The following SARDH variants were observed in gnomAD, a reference collection of about 807,000 sequenced individuals.
The protein encoded by SARDH is sarcosine dehydrogenase, mitochondrial.
SARDH carries 95 observed loss-of-function variants against 109.1 expected under a neutral mutation model. That is an observed-to-expected ratio of 0.87 (90% CI 0.74 to 1.03). The LOEUF is 1.03. Ranked by LOEUF, SARDH falls within the 50% of genes least tolerant of loss-of-function variation. The pLI, the probability that SARDH is intolerant of heterozygous loss-of-function variation, is 0.00. For synonymous variants in SARDH, 572 were observed against 534.8 expected (o/e 1.07, Z -0.96); for missense variants, 1,267 against 1,287.8 (o/e 0.98, Z 0.25).
chr9:133,670,328 C>CAAAAAA (rs5901026), intron 19 of SARDH, among the ~76,000 whole-genome samples: 1 of 103,270 alleles, frequency 9.7e-6, no homozygotes. Flanking sequence ...GACTCCGTCT[C>CAAAAAA]AAAAAAAAAA....
rs533029214 is a variant in SARDH at position 133,734,998 on chromosome 9, A to G, written c.-30-795T>C. Among the ~76,000 whole-genome samples, 5 of 152,224 alleles carry G rather than the reference A, an allele frequency of 3.3e-5. No individual in the cohort carries two copies. The South Asian group carries it at 1.0e-3, about 32-fold the overall frequency. On this transcript the variant is annotated intron_variant, in intron 1 of 20. Transcript: ENST00000439388. ...GGCGGTGGTAGTGGCACAGCAGGGC[A>G]GGGAGGGGGTTGTGTTGAGTGATGG...
chr9:133,665,420 A>G (rs1588364539), intron 20 of SARDH, among the ~76,000 whole-genome samples: 1 of 152,174 alleles, frequency 6.6e-6, no homozygotes, highest in African/African-American at 2.4e-5. Flanking sequence ...GGCCCTGCCC[A>G]CCGTGGGAGC....
In SARDH at chr9:133,718,939, T is replaced by A; in HGVS notation, c.1019A>T (p.Glu340Val). Residue 340 changes from glutamate to valine, a missense_variant and splice_region_variant, in exon 7 of 21, where the codon GAG (glutamate) becomes GTG (valine). Physicochemically the swap from Glu to Val is moderately radical, Grantham distance 121. Transcript: ENST00000439388. The surrounding 1 kb of genome is among the most constrained non-coding windows in gnomAD (Gnocchi z 4.2). ...GYEANPIFWEEVSDKFAFGLF... is the reference protein window; with the variant it reads ...GYEANPIFWEVVSDKFAFGLF... ...TATCCCAGGGCCCTGGCATCTTACC[T>A]CCTCCCAAAAGATGGGGTTGGCCTC... 6.2e-7 allele frequency: 1 copy of A among 1,612,234 alleles called. No homozygotes were observed. Among genetic ancestry groups the A allele is most frequent in the Non-Finnish European group, 8.5e-7 (1 of 1,178,544 alleles).
At chr9:133,689,135 T>C (rs970798834) in intron 16 of SARDH, among the ~76,000 whole-genome samples, 1 of 152,020 alleles carries the variant, frequency 6.6e-6, no homozygotes, top group African/African-American at 2.4e-5. Flanking sequence ...CCCTGCTACG[T>C]CAAGTGCTCA....
At chr9:133,673,976 GC>G (rs1830436587) in intron 17 of SARDH, among the ~76,000 whole-genome samples, 2 of 152,168 alleles carry the variant, frequency 1.3e-5, no homozygotes, top group African/African-American at 4.8e-5. Flanking sequence ...TCCATTGTAC[GC>G]CGTGCACAGC....
chr9:133,685,962 A>C (rs1830870239), intron 16 of SARDH, among the ~76,000 whole-genome samples: 1 of 152,116 alleles, frequency 6.6e-6, no homozygotes, highest in South Asian at 2.1e-4. Flanking sequence ...CAGGCTGCAG[A>C]CTTGGAGGAG....
At chr9:133,677,210 T>C (rs1286005065) in intron 17 of SARDH, among the ~76,000 whole-genome samples, 3 of 152,124 alleles carry the variant, frequency 2.0e-5, no homozygotes, top group African/African-American at 4.8e-5. Context: ...TAGATGCTAA[T>C]CTACTGTAGA....
intron 7 of SARDH, among the ~76,000 whole-genome samples, chr9:133,717,729 C>T (rs1394158798): frequency 6.6e-6 from 1 of 151,944 alleles, no homozygotes; most frequent in Non-Finnish European, 1.5e-5. Flanking sequence ...CCTCCTCTGG[C>T]CCCCTGCAGC....
intron 8 of SARDH, among the ~76,000 whole-genome samples, chr9:133,715,181 G>A (rs764100337): frequency 3.7e-4 from 56 of 152,308 alleles, no homozygotes; most frequent in Admixed American, 2.2e-3. Flanking sequence ...GCCATTGGCC[G>A]TGCCTGGCAA....
intron 13 of SARDH, among the ~76,000 whole-genome samples, chr9:133,700,420 T>A (rs1831438645): frequency 6.6e-6 from 1 of 151,970 alleles, no homozygotes. Context: ...GCCTTGAGAA[T>A]ATCACGCTAA....
chr9:133,702,088 GC>G (rs1383829992), intron 13 of SARDH, among the ~76,000 whole-genome samples: 1 of 152,202 alleles, frequency 6.6e-6, no homozygotes, highest in East Asian at 1.9e-4. Context: ...TCAGGCCTTG[GC>G]TCTGCTCCTA....
Position 133,712,936 on chromosome 9 carries a change from C to T in SARDH, c.1237+102G>A. ...ACTCCCCAGCCTCTCCTGTCCCCACCACTGTCGGGGGCCACGGTGCTCCTG... is the reference window on the plus strand; with the variant it reads ...ACTCCCCAGCCTCTCCTGTCCCCACTACTGTCGGGGGCCACGGTGCTCCTG... On this transcript the variant is annotated intron_variant, in intron 9 of 20. Transcript: ENST00000439388. This position sits in a 1 kb window ranked among gnomAD's most constrained non-coding sequence, Gnocchi z 4.1. 8.2e-7 allele frequency: 1 copy of T among 1,223,134 alleles called. No individual in the cohort carries two copies. The highest frequency in any genetic ancestry group is 1.2e-6 in the Non-Finnish European group (1 of 859,784). 75.8% of individuals were successfully genotyped at this position (1,223,134 alleles called of 1,614,324 possible). A position where few individuals can be genotyped will look rare whatever the true frequency, so the allele number is the denominator to read the frequency against.
Position 133,718,830 on chromosome 9 carries a change from G to T in SARDH, c.1020+108C>A. On this transcript the variant is annotated intron_variant, in intron 7 of 20. Coordinates refer to ENST00000439388, the MANE Select transcript of SARDH (RefSeq NM_001134707.2). This position sits in a 1 kb window ranked among gnomAD's most constrained non-coding sequence, Gnocchi z 4.2. ...GGTCAGGGGACCGGCCACTTCTCAG[G>T]TGTGCCTCTGAGGAGCTTCAGGAGG... 2.2e-6 allele frequency: 2 copies of T among 910,126 alleles called. No individual in the cohort carries two copies. The highest frequency in any genetic ancestry group is 3.7e-6 in the Non-Finnish European group (2 of 537,598). 56.4% of individuals were successfully genotyped at this position (910,126 alleles called of 1,614,324 possible). A position where few individuals can be genotyped will look rare whatever the true frequency, so the allele number is the denominator to read the frequency against.
At chr9:133,717,209 G>A (rs1341314940) in intron 8 of SARDH, 117 bp downstream of exon 8, 14 of 1,317,150 alleles carry the variant, frequency 1.1e-5, no homozygotes, top group South Asian at 1.4e-5. Context: ...GAGAGGGACC[G>A]GGGACAGCCC....
downstream of SARDH, among the ~76,000 whole-genome samples, chr9:133,659,886 A>G (rs1326828365): frequency 6.6e-6 from 1 of 152,074 alleles, no homozygotes; most frequent in East Asian, 2.0e-4. Context: ...CCCAATTGCC[A>G]GCCCAGAGAA....
chr9:133,683,302 G>T (rs546110030), intron 17 of SARDH, among the ~76,000 whole-genome samples: 173 of 152,328 alleles, frequency 1.1e-3, no homozygotes, highest in Admixed American at 2.1e-3. Flanking sequence ...GGGCAAGGCT[G>T]CTGGGCCTCA....
rs961745282 is a variant in SARDH at position 133,692,849 on chromosome 9, C to T, written c.1921+1409G>A. ...CAGCCCATGGCTCCCTCAGCCTCCACGTCGCCAACGGCAGGAGGGAAGGGG... is the reference window on the plus strand; with the variant it reads ...CAGCCCATGGCTCCCTCAGCCTCCATGTCGCCAACGGCAGGAGGGAAGGGG... On this transcript the variant is annotated intron_variant, in intron 15 of 20. Transcript: ENST00000439388. This position sits in a 1 kb window ranked among gnomAD's most constrained non-coding sequence, Gnocchi z 5.0. 2.0e-5 allele frequency among the ~76,000 whole-genome samples: 3 copies of T among 152,178 alleles called. No homozygotes were observed. Among genetic ancestry groups the T allele is most frequent in the Non-Finnish European group, 4.4e-5 (3 of 68,026 alleles).
chr9:133,685,254 T>C lies in SARDH; in HGVS notation c.2102A>G (p.Asp701Gly), dbSNP rs774582897. The C allele has an allele frequency of 2.5e-6, 4 of 1,614,008 alleles. No homozygotes were observed. Among genetic ancestry groups the C allele is most frequent in the Non-Finnish European group, 3.4e-6 (4 of 1,179,968 alleles). ...RAILQEVLDA[D>G]LSNEAFPFST... ...GAACGGGAAGGCCTCGTTGCTCAGG[T>C]CTGCGTCCAGCACCTCCTGCAAAAT... The change falls in exon 17 of 21, where the codon GAC (aspartate) becomes GGC (glycine). Residue 701 changes from aspartate to glycine, a missense_variant. Physicochemically the swap from Asp to Gly is moderately conservative, Grantham distance 94. Coordinates refer to ENST00000439388, the MANE Select transcript of SARDH (RefSeq NM_001134707.2).
chr9:133,666,488 TTCTCCCTCCCTCCTCCC>T lies in SARDH; in HGVS notation c.2631+230_2631+246del, dbSNP rs1830067368. Among the ~76,000 whole-genome samples the T allele has an allele frequency of 6.6e-6, 1 of 150,654 alleles. No individual in the cohort carries two copies. Among genetic ancestry groups the T allele is most frequent in the Non-Finnish European group, 1.5e-5 (1 of 67,574 alleles). On this transcript the variant is annotated intron_variant, in intron 20 of 20. Transcript: ENST00000439388. The surrounding 1 kb of genome is among the most constrained non-coding windows in gnomAD (Gnocchi z 5.2). ...TGAGGCCTCTTCCTCCCCCTTCTCC[TTCTCCCTCCCTCCTCCC>T]TCTCCCTCCTCCTCCTCCTTCCTCT...
Sources: gnomAD v4.1 joint callset for allele counts (sites outside exome capture counted in the v4.1 genomes callset) on GRCh38, gnomAD v4.1.1 for gene constraint, Gnocchi (gnomAD v3.1) non-coding constraint, MANE v1.5 for transcripts, NCBI Gene and HGNC (gene_info 2026-07-23, HGNC 2026-07-21) for gene names.